CFAP57: variants seen among roughly 807,000 people sequenced by gnomAD.
CFAP57 encodes the protein cilia- and flagella-associated protein 57.
In CFAP57, 116 loss-of-function variants were observed where a neutral mutation model predicts 146.8. That is an observed-to-expected ratio of 0.79 (90% CI 0.68 to 0.92). The LOEUF (loss-of-function observed/expected upper bound fraction) is 0.92, where lower values mean the gene tolerates loss of function less well. Ranked by LOEUF, CFAP57 falls within the 40% of genes least tolerant of loss-of-function variation. The pLI is 0.00. For missense variants in CFAP57, 1,377 were observed against 1,527.2 expected (o/e 0.90, Z 1.64); for synonymous variants, 518 against 552.8 (o/e 0.94, Z 0.88).
intron 5 of CFAP57, among the ~76,000 whole-genome samples, chr1:43,185,789 G>A (rs924861373): frequency 2.0e-5 from 3 of 151,938 alleles, no homozygotes; most frequent in African/African-American, 4.8e-5. Flanking sequence ...GTGGCAGTGT[G>A]TGCCTGTAGT....
At position 43,234,264 on chromosome 1, in the gene CFAP57, C is replaced by T. The variant is rs2477561; in HGVS notation, c.3127-15C>T. 1 allele frequency: 1,536,938 copies of T among 1,538,288 alleles called. 767,804 individuals carry two copies. Among genetic ancestry groups the T allele is most frequent in the East Asian group, 1 (40,690 of 40,690 alleles). On this transcript the variant is annotated splice_polypyrimidine_tract_variant and intron_variant, in intron 19 of 22. Transcript: ENST00000372492. ...AGCACCCTACAGCACCAGAAGGAAACGTCTCTGATTGCAGGAGCGAGACTT... is the reference window on the plus strand; with the variant it reads ...AGCACCCTACAGCACCAGAAGGAAATGTCTCTGATTGCAGGAGCGAGACTT...
In CFAP57 at chr1:43,254,080, C is replaced by G. The variant is rs1646384097; in HGVS notation, c.3642C>G (p.Leu1214=). The G allele has an allele frequency of 6.4e-7, 1 of 1,550,540 alleles. No homozygotes were observed. ...TGCAGCGCCTAGAAATCCAGCGCCT[C>G]AGAGACCAGATCCAAGAGCAAGAGC... The part of the protein sequence containing the change: ...IEMQRLEIQR[L]RDQIQEQEQV... The change falls in exon 23 of 23, where the codon CTC becomes CTG. Residue 1214 remains leucine (L), a synonymous_variant. Coordinates refer to ENST00000372492, the MANE Select transcript of CFAP57 (RefSeq NM_001378189.1).
intron 21 of CFAP57, among the ~76,000 whole-genome samples, chr1:43,234,992 C>G (rs1645631261): frequency 6.6e-6 from 1 of 152,148 alleles, no homozygotes. Context: ...CCTTGGCCCT[C>G]TAGACCTTCA....
chr1:43,180,174 C>G (rs1645334190), intron 2 of CFAP57, among the ~76,000 whole-genome samples: 1 of 149,314 alleles, frequency 6.7e-6, no homozygotes, highest in Non-Finnish European at 1.5e-5. Context: ...CCATTGCACT[C>G]CAGCCTGGGC....
rs181851855 is a variant in CFAP57, at chr1:43,222,799, C to G, written c.2533-25C>G. Reference sequence around the variant, plus strand: ...ATGTGTGAGTCCCTTCTCCCCTGACCACACGCCCACTCTCTCTGAGCCAGG... The same window carrying G: ...ATGTGTGAGTCCCTTCTCCCCTGACGACACGCCCACTCTCTCTGAGCCAGG... On this transcript the variant is annotated intron_variant, in intron 15 of 22. Coordinates refer to ENST00000372492, the MANE Select transcript of CFAP57 (RefSeq NM_001378189.1). The G allele has an allele frequency of 2.0e-4, 303 of 1,515,466 alleles. 1 individual carries two copies. In the East Asian group the frequency reaches 5.8e-3, roughly 29 times the overall value. The allele number at this position is 1,515,466 out of a possible 1,614,324, so 93.9% of individuals were successfully genotyped here.
chr1:43,239,970 T>G (rs1645847808), intron 21 of CFAP57, among the ~76,000 whole-genome samples: 1 of 152,226 alleles, frequency 6.6e-6, no homozygotes, highest in South Asian at 2.1e-4. Flanking sequence ...ACCTCTAACA[T>G]GCAAGGCAGG....
Position 43,172,914 on chromosome 1 carries a change from A to T in CFAP57, c.157+4A>T. 1.2e-6 allele frequency: 2 copies of T among 1,613,596 alleles called. No homozygotes were observed. The highest frequency in any genetic ancestry group is 1.7e-6 in the Non-Finnish European group (2 of 1,179,586). On this transcript the variant is annotated splice_donor_region_variant and intron_variant, in intron 2 of 22. Coordinates refer to ENST00000372492, the MANE Select transcript of CFAP57 (RefSeq NM_001378189.1). Reference sequence around the variant, plus strand: ...AAATGGCAAAAATTCATTCCAGGTAAAACTTTTTCCATCCTGACATATACA... The same window carrying T: ...AAATGGCAAAAATTCATTCCAGGTATAACTTTTTCCATCCTGACATATACA...
chr1:43,213,786 T>G (rs1351089907), intron 11 of CFAP57, among the ~76,000 whole-genome samples: 1 of 152,166 alleles, frequency 6.6e-6, no homozygotes, highest in Non-Finnish European at 1.5e-5. Context: ...TGGTTTTGAT[T>G]TGCATTTCCC....
At chr1:43,204,929 C>A (rs1315018358) in intron 9 of CFAP57, among the ~76,000 whole-genome samples, 1 of 152,152 alleles carries the variant, frequency 6.6e-6, no homozygotes, top group Non-Finnish European at 1.5e-5. Context: ...GGAGATGCCC[C>A]TGGGTCGGGA....
intron 12 of CFAP57, 65 bp from the exon 13 acceptor site, chr1:43,219,317 A>G (rs1644955953): frequency 6.7e-7 from 1 of 1,484,602 alleles, no homozygotes; most frequent in Admixed American, 2.3e-5. Flanking sequence ...TCAAGGCCGC[A>G]GGTTTAAATA....
intron 22 of CFAP57, among the ~76,000 whole-genome samples, chr1:43,246,637 G>T (rs774900001): frequency 2.6e-5 from 4 of 152,142 alleles, no homozygotes; most frequent in Non-Finnish European, 5.9e-5. Flanking sequence ...TTTGGCGAAT[G>T]ACACAAAAAG....
At chr1:43,224,015 T>G (rs1248773381) in intron 16 of CFAP57, 31 bp from the exon 17 acceptor site, 1 of 1,549,578 alleles carries the variant, frequency 6.5e-7, no homozygotes, top group East Asian at 2.4e-5. Context: ...CTGACTTTAG[T>G]GGTCTTTGTT....
rs530816090 is a variant in CFAP57 at position 43,183,711 on chromosome 1, A to C, written c.595A>C (p.Asn199His). 68 of 1,614,228 alleles carry C rather than the reference A, an allele frequency of 4.2e-5. No homozygotes were observed. The East Asian group carries it at 1.4e-3, about 33-fold the overall frequency. Residue 199 changes from asparagine (N) to histidine (H), a missense_variant, in exon 4 of 23, where the codon AAC becomes CAC. Physicochemically the swap from Asn to His is moderately conservative, Grantham distance 68. Coordinates refer to ENST00000372492, the MANE Select transcript of CFAP57 (RefSeq NM_001378189.1). ...CAGCTTTCAGAGGGGAGAACCCCAA[A>C]ACTATCTAGCTCACACCTGGGTGGC... ...QTSFQRGEPQ[N>H]YLAHTWVADD...
chr1:43,243,868 A>C (rs1388464002), intron 22 of CFAP57, among the ~76,000 whole-genome samples: 1 of 152,218 alleles, frequency 6.6e-6, no homozygotes, highest in East Asian at 1.9e-4. Context: ...AATTACATAA[A>C]TATTAAATGA....
Position 43,219,573 on chromosome 1 carries a change from C to T in CFAP57, c.2247+36C>T, listed in dbSNP as rs1370076576. The T allele has an allele frequency of 1.9e-6, 3 of 1,549,242 alleles. No homozygotes were observed. In the African/African-American group the frequency reaches 4.1e-5, roughly 21 times the overall value. On this transcript the variant is annotated intron_variant, in intron 13 of 22. Coordinates refer to ENST00000372492, the MANE Select transcript of CFAP57 (RefSeq NM_001378189.1). ...GAGACTGACCAACAAGCACAAATAA[C>T]AAGAAATTTCCACTTTCAAGACAGG...
chr1:43,185,090 A>T, intron 4 of CFAP57, 59 bp from the exon 5 acceptor site: 1 of 1,576,664 alleles, frequency 6.3e-7, no homozygotes, highest in South Asian at 1.1e-5. Context: ...CCTCCCCAGC[A>T]GAATTCATCT....
At chr1:43,232,286 C>T (rs1027249915) in intron 18 of CFAP57, 6 of 586,518 alleles carry the variant, frequency 1.0e-5, no homozygotes, top group South Asian at 8.8e-5. Flanking sequence ...CCAGCCTGGC[C>T]GTGGAAACAC....
intron 21 of CFAP57, 107 bp from the exon 22 acceptor site, chr1:43,243,120 A>G: frequency 7.6e-7 from 1 of 1,319,208 alleles, no homozygotes; most frequent in Non-Finnish European, 1.0e-6. Context: ...TTCTGGATCC[A>G]GACCTAACCC....
At chr1:43,222,052 C>T (rs78760070) in intron 14 of CFAP57, 53 bp from the exon 15 acceptor site, 1 of 1,471,414 alleles carries the variant, frequency 6.8e-7, no homozygotes, top group African/African-American at 1.4e-5. Context: ...CCTGGGTGTC[C>T]CTGAAGCAAG....
Sources: gnomAD v4.1 joint callset for allele counts (sites outside exome capture counted in the v4.1 genomes callset) on GRCh38, gnomAD v4.1.1 for gene constraint, MANE v1.5 for transcripts, NCBI Gene and HGNC (gene_info 2026-07-23, HGNC 2026-07-21) for gene names.